C1orf159: variants seen among roughly 807,000 people sequenced by gnomAD.
C1orf159 encodes the protein chromosome 1 open reading frame 159.
C1orf159 carries 19 observed loss-of-function variants against 25.6 expected under a neutral mutation model. The observed-to-expected ratio is 0.74, with a 90% CI of 0.52 to 1.09. The LOEUF is 1.09. C1orf159 is among the 50% of genes least tolerant of loss of function. C1orf159 has a pLI of 0.00. For missense variants in C1orf159, 274 were observed against 290.6 expected, an observed-to-expected ratio of 0.94 and a Z score of 0.42; for synonymous variants, 139 against 124.7, an observed-to-expected ratio of 1.12 and a Z score of -0.77.
chr1:1,093,078 C>A (rs534369593), intron 1 of C1orf159, among the ~76,000 whole-genome samples: 1 of 152,188 alleles, frequency 6.6e-6, no homozygotes, highest in South Asian at 2.1e-4. Flanking sequence ...AGCTCCTCCT[C>A]TCTGATGTGA....
chr1:1,111,177 T>C (rs551192222), intron 1 of C1orf159, among the ~76,000 whole-genome samples: 1 of 152,316 alleles, frequency 6.6e-6, no homozygotes, highest in African/African-American at 2.4e-5. Context: ...ATGAAAAATT[T>C]AGTGAGAATT....
At chr1:1,102,613 C>CTA (rs1557432376) in intron 1 of C1orf159, among the ~76,000 whole-genome samples, 2 of 41,208 alleles carry the variant, frequency 4.9e-5, no homozygotes, top group Non-Finnish European at 8.9e-5. Context: ...CCTGTCTCTA[C>CTA]TAAAAAAAAA....
intron 1 of C1orf159, among the ~76,000 whole-genome samples, chr1:1,103,600 C>T (rs1367504544): frequency 1.4e-5 from 2 of 147,080 alleles, no homozygotes; most frequent in African/African-American, 5.3e-5. Flanking sequence ...CAGAAACGAG[C>T]GGCATCTATA....
At chr1:1,101,964 T>A (rs1023094075) in intron 1 of C1orf159, among the ~76,000 whole-genome samples, 1 of 145,264 alleles carries the variant, frequency 6.9e-6, no homozygotes, top group African/African-American at 2.6e-5. Flanking sequence ...CCCAGCTACA[T>A]GGGAGGCTGA....
Position 1,110,665 on chromosome 1 carries a change from C to CG in C1orf159, c.-136+5394dup, listed in dbSNP as rs1324105220. Among the ~76,000 whole-genome samples, 3 of 151,688 alleles carry CG rather than the reference C, an allele frequency of 2.0e-5. No homozygotes were observed. The highest frequency in any genetic ancestry group is 7.3e-5 in the African/African-American group (3 of 40,944). On this transcript the variant is annotated intron_variant, in intron 1 of 9. Transcript: ENST00000421241. The surrounding 1 kb of genome is among the most constrained non-coding windows in gnomAD (Gnocchi z 4.8). Reference sequence around the variant, plus strand: ...CACACCTGGGATGCAGCCTTCCCCCCGGGCACGTTCCCAAGAGAAACAACA... The same window carrying CG: ...CACACCTGGGATGCAGCCTTCCCCCCGGGGCACGTTCCCAAGAGAAACAACA...
Position 1,087,352 on chromosome 1 carries a change from C to T in C1orf159, c.245-148G>A. ...CTCACCACAGAGCTGTCCCGAATGG[C>T]CCAGCAGACTCGGGAAGAGGGGGCT... On this transcript the variant is annotated intron_variant, in intron 5 of 9. Coordinates refer to ENST00000421241, the MANE Select transcript of C1orf159 (RefSeq NM_017891.5). This position sits in a 1 kb window ranked among gnomAD's most constrained non-coding sequence, Gnocchi z 8.3. 8.7e-7 allele frequency: 1 copy of T among 1,155,448 alleles called. No homozygotes were observed. Among genetic ancestry groups the T allele is most frequent in the Non-Finnish European group, 1.2e-6 (1 of 832,610 alleles). The allele number at this position is 1,155,448 out of a possible 1,614,324, so 71.6% of individuals were successfully genotyped here. A position where few individuals can be genotyped will look rare whatever the true frequency, so the allele number is the denominator to read the frequency against.
chr1:1,089,033 C>T lies in C1orf159; in HGVS notation c.148+1320G>A, dbSNP rs762907079. ...CCCGGAGGCCGAAGAACGGAGTCCA[C>T]GGCAGGGAGCCAAACACCAGCGCAG... On this transcript the variant is annotated intron_variant, in intron 4 of 9. Transcript: ENST00000421241. This position sits in a 1 kb window ranked among gnomAD's most constrained non-coding sequence, Gnocchi z 7.5. Among the ~76,000 whole-genome samples the T allele has an allele frequency of 6.6e-5, 10 of 152,256 alleles. No individual in the cohort carries two copies. The highest frequency in any genetic ancestry group is 5.9e-4 in the Admixed American group (9 of 15,294).
intron 1 of C1orf159, among the ~76,000 whole-genome samples, chr1:1,104,928 CCAA>C (rs1186702493): frequency 2.0e-5 from 3 of 152,194 alleles, no homozygotes; most frequent in Non-Finnish European, 4.4e-5. Context: ...TGTTCACTGT[CCAA>C]CAACAGCAGC....
chr1:1,107,092 A>C (rs1398048694), intron 1 of C1orf159, among the ~76,000 whole-genome samples: 2 of 151,178 alleles, frequency 1.3e-5, no homozygotes, highest in African/African-American at 2.4e-5. Context: ...AACGGGCACC[A>C]CCCCCTGCTC....
In C1orf159 at chr1:1,087,828, C is replaced by T. The variant is rs1645856685; in HGVS notation, c.149-231G>A. Among the ~76,000 whole-genome samples the T allele has an allele frequency of 6.6e-6, 1 of 150,584 alleles. No homozygotes were observed. Among genetic ancestry groups the T allele is most frequent in the Non-Finnish European group, 1.5e-5 (1 of 67,502 alleles). ...GCACCCTGACCCTGAGTACTCCGAC[C>T]CCAAGTACTCCACGCTGCACTCTCC... On this transcript the variant is annotated intron_variant, in intron 4 of 9. Coordinates refer to ENST00000421241, the MANE Select transcript of C1orf159 (RefSeq NM_017891.5). This position sits in a 1 kb window ranked among gnomAD's most constrained non-coding sequence, Gnocchi z 8.3.
intron 1 of C1orf159, among the ~76,000 whole-genome samples, chr1:1,113,133 T>C (rs1646284667): frequency 6.6e-6 from 1 of 151,764 alleles, no homozygotes; most frequent in African/African-American, 2.4e-5. Context: ...GAGGCAGAGC[T>C]TGCAGTGAGC....
intron 1 of C1orf159, chr1:1,106,071 G>A (rs1646167049): frequency 6.6e-6 from 1 of 152,058 alleles, no homozygotes; most frequent in South Asian, 2.1e-4. Flanking sequence ...ACACAAAGAG[G>A]CAGAACTAAA....
chr1:1,107,836 C>T (rs931982843), intron 1 of C1orf159, among the ~76,000 whole-genome samples: 1 of 152,102 alleles, frequency 6.6e-6, no homozygotes, highest in Non-Finnish European at 1.5e-5. Context: ...CCTTTATGAG[C>T]TGTAACACTC....
chr1:1,113,753 T>G (rs997902275), intron 1 of C1orf159, among the ~76,000 whole-genome samples: 5 of 152,154 alleles, frequency 3.3e-5, no homozygotes, highest in Admixed American at 2.6e-4. Flanking sequence ...AGTGCGCAGT[T>G]TGACCTTTGA....
rs866269093 is a variant in C1orf159 at position 1,088,208 on chromosome 1, C to G, written c.149-611G>C. On this transcript the variant is annotated intron_variant, in intron 4 of 9. Transcript: ENST00000421241. ...CAACGGCCTCCCCCAGGACCCCCCC[C>G]CCATGGCCTCCCACAGGACCCCCGC... 6.5e-3 allele frequency among the ~76,000 whole-genome samples: 627 copies of G among 96,278 alleles called. 30 individuals carry two copies. Among genetic ancestry groups the G allele is most frequent in the African/African-American group, 0.025 (576 of 22,912 alleles). 63.2% of individuals were successfully genotyped at this position (96,278 alleles called of 152,430 possible).
At chr1:1,084,632 G>C in intron 7 of C1orf159, 126 bp from the exon 8 acceptor site, 1 of 1,215,774 alleles carries the variant, frequency 8.2e-7, no homozygotes, top group South Asian at 1.3e-5. Context: ...CGTCCTCGGA[G>C]CAGCAGAGGC....
In C1orf159 at chr1:1,083,844, T is replaced by C. The variant is rs1645783092; in HGVS notation, c.502+509A>G. On this transcript the variant is annotated intron_variant, in intron 9 of 9. Coordinates refer to ENST00000421241, the MANE Select transcript of C1orf159 (RefSeq NM_017891.5). Reference sequence around the variant, plus strand: ...GGCCGGGTGAGCCCTGCTCATGGCCTTGGAGCTGTGTGGCTGTGCGCCGGT... The same window carrying C: ...GGCCGGGTGAGCCCTGCTCATGGCCCTGGAGCTGTGTGGCTGTGCGCCGGT... 7.2e-6 allele frequency: 10 copies of C among 1,392,312 alleles called. No individual in the cohort carries two copies. In the South Asian group the frequency reaches 1.3e-4, roughly 18 times the overall value. The allele number at this position is 1,392,312 out of a possible 1,614,324, so 86.2% of individuals were successfully genotyped here. A position where few individuals can be genotyped will look rare whatever the true frequency, so the allele number is the denominator to read the frequency against.
intron 1 of C1orf159, among the ~76,000 whole-genome samples, chr1:1,107,191 G>A (rs964632867): frequency 2.0e-5 from 3 of 152,390 alleles, no homozygotes; most frequent in East Asian, 1.9e-4. Context: ...GCGGCCAGGC[G>A]CTGGGTCCAT....
In C1orf159 at chr1:1,092,117, C is replaced by G. The variant is rs1310476025; in HGVS notation, c.-135-14G>C. 4.9e-6 allele frequency: 2 copies of G among 405,146 alleles called. No homozygotes were observed. The highest frequency in any genetic ancestry group is 1.5e-4 in the East Asian group (2 of 13,620). 25.1% of individuals were successfully genotyped at this position (405,146 alleles called of 1,614,324 possible). A position where few individuals can be genotyped will look rare whatever the true frequency, so the allele number is the denominator to read the frequency against. ...CCCGGCCCAGTCCTGCAGATGAAGA[C>G]AGCAGGTGAGGCCGTGGTCACGCGA... On this transcript the variant is annotated splice_polypyrimidine_tract_variant and intron_variant, in intron 1 of 9. Coordinates refer to ENST00000421241, the MANE Select transcript of C1orf159 (RefSeq NM_017891.5).
Sources: allele counts gnomAD v4.1 joint callset (sites outside exome capture counted in the v4.1 genomes callset), GRCh38; gene constraint gnomAD v4.1.1; non-coding constraint Gnocchi (gnomAD v3.1); transcripts MANE v1.5; gene names NCBI Gene and HGNC (gene_info 2026-07-23, HGNC 2026-07-21).